Variants in BBS9 observed in about 807,000 individuals in gnomAD.
BBS9 encodes the protein protein PTHB1.
In BBS9, 89 loss-of-function variants were observed where a neutral mutation model predicts 117.7. The ratio of observed to expected loss-of-function variants is 0.76; its 90% CI spans 0.64 to 0.90. The LOEUF (loss-of-function observed/expected upper bound fraction) is 0.90, where lower values mean the gene tolerates loss of function less well. Among genes scored for constraint, BBS9 ranks in the 40% least tolerant of loss-of-function variants. The pLI is 0.00. For synonymous variants in BBS9, 379 were observed against 370.9 expected, an observed-to-expected ratio of 1.02 and a Z score of -0.25; for missense variants, 982 against 1,042.2, an observed-to-expected ratio of 0.94 and a Z score of 0.80.
chr7:33,260,260 C>T (rs1228528022), intron 6 of BBS9, among the ~76,000 whole-genome samples: 1 of 152,160 alleles, frequency 6.6e-6, no homozygotes, highest in Non-Finnish European at 1.5e-5. Flanking sequence ...CCTCAGCCTC[C>T]CAAAGTGCTA....
chr7:33,527,273 C>T (rs578236341), intron 20 of BBS9, among the ~76,000 whole-genome samples: 194 of 152,310 alleles, frequency 1.3e-3, no homozygotes, highest in African/African-American at 3.9e-3. Flanking sequence ...TGTTGGGCTC[C>T]CCCCAGTTCG....
chr7:33,293,988 G>T (rs1259304389), intron 9 of BBS9, among the ~76,000 whole-genome samples: 2 of 152,044 alleles, frequency 1.3e-5, no homozygotes, highest in African/African-American at 4.8e-5. Flanking sequence ...TTGTTCTAAT[G>T]TGGGGCATCT....
chr7:33,153,794 G>C (rs2128110234), intron 3 of BBS9, among the ~76,000 whole-genome samples: 1 of 152,254 alleles, frequency 6.6e-6, no homozygotes, highest in East Asian at 1.9e-4. Context: ...TTTGTGACAG[G>C]CTGGATTGCG....
rs570854285 is a variant in BBS9 at position 33,144,782 on chromosome 7, G to A, written c.-11-1460G>A. Among the ~76,000 whole-genome samples, 69 of 152,294 alleles carry A rather than the reference G, an allele frequency of 4.5e-4. 2 individuals are homozygous for A. In the South Asian group the frequency reaches 0.011, roughly 24 times the overall value. ...TATGATTTTTCAACTTTAGGATGTT[G>A]TGAGAGTGATACACATTCAATAGAA... On this transcript the variant is annotated intron_variant, in intron 1 of 22. Coordinates refer to ENST00000242067, the MANE Select transcript of BBS9 (RefSeq NM_198428.3).
intron 21 of BBS9, among the ~76,000 whole-genome samples, chr7:33,621,926 T>C (rs1053817292): frequency 1.2e-4 from 19 of 152,104 alleles, no homozygotes; most frequent in African/African-American, 4.6e-4. Context: ...AATACTACAA[T>C]GGGCTGGGCG....
chr7:33,169,860 G>A, intron 4 of BBS9, among the ~76,000 whole-genome samples: 1 of 150,958 alleles, frequency 6.6e-6, no homozygotes, highest in Non-Finnish European at 1.5e-5. Context: ...CATTGCTTTT[G>A]GTGTTTTAGA....
chr7:33,191,437 G>A (rs1583553558), intron 5 of BBS9, among the ~76,000 whole-genome samples: 1 of 152,058 alleles, frequency 6.6e-6, no homozygotes, highest in Non-Finnish European at 1.5e-5. Flanking sequence ...ATAGGTGCTG[G>A]GTGGCCAAAA....
intron 21 of BBS9, among the ~76,000 whole-genome samples, chr7:33,542,699 ATG>A (rs200416682): frequency 0.038 from 5,599 of 145,856 alleles, 245 homozygotes; most frequent in Middle Eastern, 0.11. Context: ...CATTATATAT[ATG>A]TGTGTGTGTG....
chr7:33,583,157 A>G (rs1334456263), intron 21 of BBS9, among the ~76,000 whole-genome samples: 1 of 152,170 alleles, frequency 6.6e-6, no homozygotes, highest in East Asian at 1.9e-4. Context: ...ATATCTTAAT[A>G]TGAAAGCATT....
chr7:33,276,558 A>AG (rs34201936), intron 9 of BBS9, among the ~76,000 whole-genome samples: 1 of 152,188 alleles, frequency 6.6e-6, no homozygotes, highest in Non-Finnish European at 1.5e-5. Flanking sequence ...GATCATTTAC[A>AG]GGGGGGAAGT....
chr7:33,602,230 A>G (rs938014487), intron 21 of BBS9, among the ~76,000 whole-genome samples: 1 of 152,034 alleles, frequency 6.6e-6, no homozygotes, highest in African/African-American at 2.4e-5. Flanking sequence ...TTCGAGGCCT[A>G]CAGAAGAGAA....
chr7:33,138,045 C>T (rs1023570335), intron 1 of BBS9, among the ~76,000 whole-genome samples: 4 of 152,112 alleles, frequency 2.6e-5, no homozygotes, highest in Non-Finnish European at 5.9e-5. Context: ...TAAAATAAAG[C>T]AAACAAACAA....
intron 4 of BBS9, among the ~76,000 whole-genome samples, chr7:33,166,532 A>G (rs1406597648): frequency 1.3e-5 from 2 of 152,258 alleles, no homozygotes; most frequent in African/African-American, 4.8e-5. Flanking sequence ...AGCTTCCTCC[A>G]GCCGCTTTGT....
At chr7:33,558,195 C>T (rs1390382403) in intron 21 of BBS9, among the ~76,000 whole-genome samples, 3 of 152,120 alleles carry the variant, frequency 2.0e-5, no homozygotes, top group African/African-American at 4.8e-5. Flanking sequence ...GACAAAGTCT[C>T]GTAAAGTATC....
intron 9 of BBS9, among the ~76,000 whole-genome samples, chr7:33,325,506 G>T (rs11765727): frequency 6.6e-6 from 1 of 152,004 alleles, no homozygotes; most frequent in African/African-American, 2.4e-5. Flanking sequence ...GTTTGGTAAG[G>T]TCATGTTTTC....
intron 9 of BBS9, among the ~76,000 whole-genome samples, chr7:33,307,103 A>G (rs896515706): frequency 2.6e-5 from 4 of 152,196 alleles, no homozygotes; most frequent in African/African-American, 9.6e-5. Flanking sequence ...AATGCAATAT[A>G]GCATTCTTTT....
chr7:33,571,729 A>C (rs980995117), intron 21 of BBS9, among the ~76,000 whole-genome samples: 3 of 152,034 alleles, frequency 2.0e-5, no homozygotes, highest in African/African-American at 7.2e-5. Context: ...TGTGCAATTA[A>C]ATTTTACATT....
intron 4 of BBS9, among the ~76,000 whole-genome samples, chr7:33,171,582 C>T (rs1350073268): frequency 6.6e-6 from 1 of 152,002 alleles, no homozygotes; most frequent in Non-Finnish European, 1.5e-5. Flanking sequence ...GTGATAAAAA[C>T]TATTTTTTTA....
chr7:33,399,139 GCTAT>G (rs1161493025), intron 19 of BBS9, among the ~76,000 whole-genome samples: 1 of 152,124 alleles, frequency 6.6e-6, no homozygotes, highest in Non-Finnish European at 1.5e-5. Flanking sequence ...GCTATATGTG[GCTAT>G]CTATTAGATA....
Sources: gnomAD v4.1 joint callset for allele counts (sites outside exome capture counted in the v4.1 genomes callset) on GRCh38, gnomAD v4.1.1 for gene constraint, MANE v1.5 for transcripts, NCBI Gene and HGNC (gene_info 2026-07-23, HGNC 2026-07-21) for gene names.